ELK4: variants seen among roughly 807,000 people sequenced by gnomAD.
The protein encoded by ELK4 is ETS transcription factor ELK4, also known as ETS domain-containing protein Elk-4.
In ELK4, 16 loss-of-function variants were observed where a neutral mutation model predicts 29.6. That is an observed-to-expected ratio of 0.54 (90% CI 0.37 to 0.82). ELK4 has a LOEUF of 0.82. Ranked by LOEUF, ELK4 falls within the 40% of genes least tolerant of loss-of-function variation. The pLI is 0.00. For synonymous variants in ELK4, 213 were observed against 191.1 expected, an observed-to-expected ratio of 1.11 and a Z score of -0.95; for missense variants, 465 against 507.1, an observed-to-expected ratio of 0.92 and a Z score of 0.80.
At chr1:205,624,512 C>G (rs190540882) in intron 1 of ELK4, among the ~76,000 whole-genome samples, 1 of 152,186 alleles carries the variant, frequency 6.6e-6, no homozygotes, top group Non-Finnish European at 1.5e-5. Flanking sequence ...GCAAAGTGTT[C>G]TCTTTTCTGT....
chr1:205,625,851 G>C (rs1670444336), intron 1 of ELK4: 3 of 613,066 alleles, frequency 4.9e-6, no homozygotes, highest in Non-Finnish European at 5.9e-6. Context: ...GCTAATTTTT[G>C]TATTTTTAGT....
intron 1 of ELK4, among the ~76,000 whole-genome samples, chr1:205,628,759 A>G (rs1230545707): frequency 6.6e-6 from 1 of 152,220 alleles, no homozygotes; most frequent in Non-Finnish European, 1.5e-5. Flanking sequence ...GCATGTATTT[A>G]GTCAAACACT....
Position 205,619,041 on chromosome 1 carries a change from G to T in ELK4, c.1113C>A (p.Leu371=). ...TPIILTPSPL[L]SSIHFWSTLS... is the part of the protein sequence containing the mutation. ...GAGTACTCCAGAAGTGGATACTGGAGAGCAAGGGGCTTGGAGTCAGTATGA... is the reference window on the plus strand; with the variant it reads ...GAGTACTCCAGAAGTGGATACTGGATAGCAAGGGGCTTGGAGTCAGTATGA... Residue 371 remains leucine (L), a synonymous_variant, in exon 4 of 5, where the codon CTC becomes CTA. Transcript: ENST00000357992. 6.2e-7 allele frequency: 1 copy of T among 1,607,630 alleles called. No homozygotes were observed. The highest frequency in any genetic ancestry group is 1.1e-5 in the South Asian group (1 of 89,536).
Position 205,614,384 on chromosome 1 carries a change from A to G in ELK4, c.*2162T>C. 1 of 227,038 alleles carries G rather than the reference A, an allele frequency of 4.4e-6. No homozygotes were observed. Among genetic ancestry groups the G allele is most frequent in the South Asian group, 1.8e-4 (1 of 5,472 alleles). The allele number at this position is 227,038 out of a possible 1,614,324, so 14.1% of individuals were successfully genotyped here. A position where few individuals can be genotyped will look rare whatever the true frequency, so the allele number is the denominator to read the frequency against. ...CCATCTATATCTACTTATTTAATGT[A>G]CAAAATGTTAACCTAATTAAAACTA... On this transcript the variant is annotated 3_prime_UTR_variant, in exon 5 of 5. Transcript: ENST00000357992.
At chr1:205,626,133 CA>C in intron 1 of ELK4, 1 of 737,320 alleles carries the variant, frequency 1.4e-6, no homozygotes, top group Admixed American at 1.8e-5. Context: ...CTACAGTGAC[CA>C]AAGTGTCTAC....
At chr1:205,619,483 T>A (rs1399274272) in intron 3 of ELK4, 17 of 1,072,478 alleles carry the variant, frequency 1.6e-5, no homozygotes, top group African/African-American at 9.9e-5. Context: ...TGTTTTTTTT[T>A]AATAATGAGG....
chr1:205,612,491 A>C lies in ELK4; in HGVS notation c.*4055T>G. ...GCGGTATATAATTTAACATATACCC[A>C]TATGAATTTTTAATAGGGAAAGTTT... On this transcript the variant is annotated 3_prime_UTR_variant, in exon 5 of 5. Transcript: ENST00000357992. 9.3e-6 allele frequency: 2 copies of C among 214,256 alleles called. No individual in the cohort carries two copies. The highest frequency in any genetic ancestry group is 1.9e-5 in the Non-Finnish European group (2 of 106,182). The allele number at this position is 214,256 out of a possible 1,614,324, so 13.3% of individuals were successfully genotyped here.
intron 1 of ELK4, among the ~76,000 whole-genome samples, chr1:205,624,887 G>A (rs1013504653): frequency 1.3e-5 from 2 of 152,184 alleles, no homozygotes; most frequent in African/African-American, 4.8e-5. Context: ...CAAAGGAGCA[G>A]CAAGGAATGC....
intron 1 of ELK4, among the ~76,000 whole-genome samples, chr1:205,627,999 C>G (rs1571507801): frequency 6.6e-6 from 1 of 152,186 alleles, no homozygotes; most frequent in Non-Finnish European, 1.5e-5. Context: ...GTACTCTGTC[C>G]ATTAGGGAAA....
At chr1:205,627,759 A>G (rs1670495477) in intron 1 of ELK4, among the ~76,000 whole-genome samples, 1 of 152,212 alleles carries the variant, frequency 6.6e-6, no homozygotes, top group African/African-American at 2.4e-5. Context: ...AAGGGCAGAG[A>G]TAAGAAACTG....
intron 1 of ELK4, among the ~76,000 whole-genome samples, chr1:205,629,153 AG>A (rs1670524797): frequency 1.4e-5 from 2 of 142,254 alleles, no homozygotes; most frequent in Non-Finnish European, 3.0e-5. Context: ...CCTGGGCAAC[AG>A]AGCAAGACTA....
In ELK4 at chr1:205,623,673, T is replaced by C; in HGVS notation, c.207+3A>G. On this transcript the variant is annotated splice_donor_region_variant and intron_variant, in intron 2 of 4. Transcript: ENST00000357992. ...TATAGTATAAGATCAGGATGTGTAC[T>C]ACCTTTACATAATAGTATCTGAGGG... 1.2e-6 allele frequency: 2 copies of C among 1,613,944 alleles called. No individual in the cohort carries two copies. The highest frequency in any genetic ancestry group is 1.7e-6 in the Non-Finnish European group (2 of 1,179,948).
chr1:205,630,418 A>AC (rs989995725), intron 1 of ELK4, among the ~76,000 whole-genome samples: 32 of 152,330 alleles, frequency 2.1e-4, no homozygotes, highest in African/African-American at 7.5e-4. Flanking sequence ...TGCTGTGGTG[A>AC]CCCATAGCCC....
chr1:205,609,623 C>A lies in ELK4; in HGVS notation c.*6923G>T, dbSNP rs1670124772. 4.9e-6 allele frequency: 1 copy of A among 204,826 alleles called. No homozygotes were observed. Among genetic ancestry groups the A allele is most frequent in the East Asian group, 7.5e-5 (1 of 13,386 alleles). The allele number at this position is 204,826 out of a possible 1,614,324, so 12.7% of individuals were successfully genotyped here. A position where few individuals can be genotyped will look rare whatever the true frequency, so the allele number is the denominator to read the frequency against. ...GCAATGAATGTACATACAAAGGCCA[C>A]TGGTTAATACTGCCCCAAGTAACAA... is the stretch of plus-strand genomic sequence containing the variant. On this transcript the variant is annotated 3_prime_UTR_variant, in exon 5 of 5. Transcript: ENST00000357992.
rs765811292 is a variant in ELK4, at chr1:205,620,247, T to TCCA, written c.798_799insTGG (p.Arg266_Thr267insTrp). 2 of 1,614,042 alleles carry TCCA rather than the reference T, an allele frequency of 1.2e-6. No homozygotes were observed. The highest frequency in any genetic ancestry group is 1.7e-6 in the Non-Finnish European group (2 of 1,180,022). On this transcript the variant is annotated inframe_insertion, in exon 3 of 5. Coordinates refer to ENST00000357992, the MANE Select transcript of ELK4 (RefSeq NM_001973.4). The stretch of plus-strand genomic sequence containing the variant: ...TGAGAACTCAGTGGTGGTGAAGGTG[T>TCCA]TCTGGGAGGTTCCTGCAAAGGGGGT...
Position 205,612,654 on chromosome 1 carries a change from A to G in ELK4, c.*3892T>C, listed in dbSNP as rs2102373626. 1 of 209,482 alleles carries G rather than the reference A, an allele frequency of 4.8e-6. No individual in the cohort carries two copies. The highest frequency in any genetic ancestry group is 9.7e-6 in the Non-Finnish European group (1 of 103,000). 13.0% of individuals were successfully genotyped at this position (209,482 alleles called of 1,614,324 possible). A position where few individuals can be genotyped will look rare whatever the true frequency, so the allele number is the denominator to read the frequency against. The stretch of plus-strand genomic sequence containing the variant: ...TGCTTACATTCACCAAAAACATAAA[A>G]GGACACCTTTAAGAACTTAAGAATC... On this transcript the variant is annotated 3_prime_UTR_variant, in exon 5 of 5. Coordinates refer to ENST00000357992, the MANE Select transcript of ELK4 (RefSeq NM_001973.4).
chr1:205,627,197 T>C (rs906692773), intron 1 of ELK4, among the ~76,000 whole-genome samples: 63 of 152,072 alleles, frequency 4.1e-4, no homozygotes, highest in Non-Finnish European at 2.2e-4. Flanking sequence ...ACAGGGTTTC[T>C]TTTGGGGGTG....
At chr1:205,619,927 T>C (rs771978944) in intron 3 of ELK4, 39 bp downstream of exon 3, 1 of 1,614,074 alleles carries the variant, frequency 6.2e-7, no homozygotes, top group African/African-American at 1.3e-5. Flanking sequence ...GGCAAATAAA[T>C]GAAAGCAATG....
intron 1 of ELK4, among the ~76,000 whole-genome samples, chr1:205,627,044 C>T (rs777813045): frequency 6.6e-6 from 1 of 152,060 alleles, no homozygotes; most frequent in East Asian, 1.9e-4. Context: ...GAAGCCAGTC[C>T]ACAAAAGACC....
Sources: allele counts gnomAD v4.1 joint callset (sites outside exome capture counted in the v4.1 genomes callset), GRCh38; gene constraint gnomAD v4.1.1; transcripts MANE v1.5; gene names NCBI Gene and HGNC (gene_info 2026-07-23, HGNC 2026-07-21).